The following TRAP1 variants were observed in gnomAD, a reference collection of about 807,000 sequenced individuals.
The protein encoded by TRAP1 is heat shock protein 75 kDa, mitochondrial.
In TRAP1, 102 loss-of-function variants were observed where a neutral mutation model predicts 89.1. The observed-to-expected ratio is 1.15, with a 90% CI of 0.98 to 1.35. The LOEUF is 1.35. Among genes scored for constraint, TRAP1 ranks in the 40% most tolerant of loss-of-function variants. The pLI is 0.00. For synonymous variants in TRAP1, 508 were observed against 388.0 expected, an observed-to-expected ratio of 1.31 and a Z score of -3.64; for missense variants, 1,256 against 945.3, an observed-to-expected ratio of 1.33 and a Z score of -4.31.
At chr16:3,672,878 G>A (rs1031606743) in intron 9 of TRAP1, 58 bp from the exon 10 acceptor site, 1 of 1,561,638 alleles carries the variant, frequency 6.4e-7, no homozygotes, top group Non-Finnish European at 8.7e-7. Flanking sequence ...GCAGGCCCTG[G>A]CTGGGAGGTG....
chr16:3,660,277 A>G (rs563892764), intron 16 of TRAP1: 1 of 152,264 alleles, frequency 6.6e-6, no homozygotes, highest in South Asian at 2.1e-4. Context: ...GTAGGAGGAA[A>G]TTTTCCCCTG....
chr16:3,677,835 A>C (rs1022080746), intron 5 of TRAP1, 177 bp from the exon 6 acceptor site: 1 of 692,846 alleles, frequency 1.4e-6, no homozygotes, highest in African/African-American at 1.8e-5. Flanking sequence ...GTGACACATT[A>C]GCCCTAGGAC....
intron 11 of TRAP1, among the ~76,000 whole-genome samples, chr16:3,669,359 C>T (rs1050258044): frequency 6.6e-6 from 1 of 152,186 alleles, no homozygotes; most frequent in Non-Finnish European, 1.5e-5. Flanking sequence ...GGCAGCAAGT[C>T]GGGGTCCTGC....
intron 1 of TRAP1, among the ~76,000 whole-genome samples, chr16:3,697,525 G>A (rs113843744): frequency 0.22 from 32,736 of 151,330 alleles, 4,077 homozygotes; most frequent in South Asian, 0.33. Context: ...TTAGCCAGGC[G>A]TAGTGGTGGG....
intron 4 of TRAP1, among the ~76,000 whole-genome samples, chr16:3,682,822 T>C (rs1308867733): frequency 6.6e-6 from 1 of 151,694 alleles, no homozygotes; most frequent in Admixed American, 6.6e-5. Context: ...ATAGCACCAA[T>C]GCACCCCAAC....
At chr16:3,699,854 T>TC (rs748663726) in intron 1 of TRAP1, among the ~76,000 whole-genome samples, 5 of 148,052 alleles carry the variant, frequency 3.4e-5, no homozygotes, top group Non-Finnish European at 5.9e-5. Flanking sequence ...TTTTTTTTTT[T>TC]CCTAGAGATA....
At chr16:3,673,256 G>C (rs541605767) in intron 9 of TRAP1, among the ~76,000 whole-genome samples, 93 of 152,330 alleles carry the variant, frequency 6.1e-4, no homozygotes, top group Non-Finnish European at 1.1e-3. Flanking sequence ...ACGTGAAGAT[G>C]AAACTCAAAT....
chr16:3,694,347 T>A (rs1482465807), intron 1 of TRAP1, among the ~76,000 whole-genome samples: 1 of 141,368 alleles, frequency 7.1e-6, no homozygotes, highest in African/African-American at 2.5e-5. Context: ...AACGTATCTT[T>A]CTCTTTTTTT....
intron 1 of TRAP1, among the ~76,000 whole-genome samples, chr16:3,714,322 T>A (rs2051569504): frequency 6.6e-6 from 1 of 152,156 alleles, no homozygotes; most frequent in Non-Finnish European, 1.5e-5. Flanking sequence ...AAATGACAAA[T>A]ATAAAGTCCA....
Position 3,674,465 on chromosome 16 carries a change from G to A in TRAP1, c.918C>T (p.Val306=), listed in dbSNP as rs779705174. 5.6e-6 allele frequency: 9 copies of A among 1,613,904 alleles called. No individual in the cohort carries two copies. Among genetic ancestry groups the A allele is most frequent in the African/African-American group, 4.0e-5 (3 of 74,932 alleles). ...QAIWMMDPKD[V]REWQHEEFYR... The stretch of plus-strand genomic sequence containing the variant: ...AGAACTCCTCATGTTGCCACTCACG[G>A]ACATCCTTGGGGTCCATCATCCAGA... Residue 306 remains valine, a synonymous_variant, in exon 9 of 18, where the codon GTC becomes GTT. Coordinates refer to ENST00000246957, the MANE Select transcript of TRAP1 (RefSeq NM_016292.3).
rs562544702 is a variant in TRAP1 at position 3,663,334 on chromosome 16, G to A, written c.1708+90C>T. The A allele has an allele frequency of 6.0e-5, 93 of 1,554,202 alleles. No homozygotes were observed. The South Asian group carries it at 7.7e-4, about 13-fold the overall frequency. The stretch of plus-strand genomic sequence containing the variant: ...GGTGGCTGAGCCCAGGTCAACTGAC[G>A]AAAACCCAAAGGAAGCCCTCGCTGC... On this transcript the variant is annotated intron_variant, in intron 14 of 17. Transcript: ENST00000246957.
In TRAP1 at chr16:3,717,415, C is replaced by T; in HGVS notation, c.88+6G>A. 7.7e-6 allele frequency: 9 copies of T among 1,173,682 alleles called. No homozygotes were observed. The highest frequency in any genetic ancestry group is 9.7e-6 in the Non-Finnish European group (9 of 930,802). 72.7% of individuals were successfully genotyped at this position (1,173,682 alleles called of 1,614,324 possible). On this transcript the variant is annotated splice_donor_region_variant and intron_variant, in intron 1 of 17. Transcript: ENST00000246957. Reference sequence around the variant, plus strand: ...CCCGCTGCCCGTCCAGCCAGGACGCCCTCACCTCCCGGCACGGCCGCCAGC... The same window carrying T: ...CCCGCTGCCCGTCCAGCCAGGACGCTCTCACCTCCCGGCACGGCCGCCAGC...
chr16:3,697,692 T>G (rs1341552187), intron 1 of TRAP1, among the ~76,000 whole-genome samples: 1 of 151,832 alleles, frequency 6.6e-6, no homozygotes, highest in Admixed American at 6.6e-5. Flanking sequence ...AAATTAGTCT[T>G]TTGGTTGTAA....
chr16:3,711,933 T>A (rs976704047), intron 1 of TRAP1, among the ~76,000 whole-genome samples: 1 of 152,164 alleles, frequency 6.6e-6, no homozygotes, highest in African/African-American at 2.4e-5. Flanking sequence ...TTCTCTGGCT[T>A]TGAACCCAAA....
chr16:3,714,425 C>T (rs145759395), intron 1 of TRAP1, among the ~76,000 whole-genome samples: 1,625 of 152,252 alleles, frequency 0.011, 29 homozygotes, highest in African/African-American at 0.037. Context: ...TTTTGGGAGG[C>T]CAAGGCTAGT....
In TRAP1 at chr16:3,672,828, TGAG is replaced by T. The variant is rs774407790; in HGVS notation, c.1045-11_1045-9del. ...ATCAAACATGGACGGTTTCTGGGGG[TGAG>T]GAGAACACGCCATCATGCAGCACTG... is the stretch of plus-strand genomic sequence containing the variant. On this transcript the variant is annotated splice_polypyrimidine_tract_variant and intron_variant, in intron 9 of 17. Coordinates refer to ENST00000246957, the MANE Select transcript of TRAP1 (RefSeq NM_016292.3). 3 of 1,610,636 alleles carry T rather than the reference TGAG, an allele frequency of 1.9e-6. No individual in the cohort carries two copies. Among genetic ancestry groups the T allele is most frequent in the Non-Finnish European group, 2.5e-6 (3 of 1,178,940 alleles).
rs1338382138 is a variant in TRAP1 at position 3,658,092 on chromosome 16, G to A, written c.*37C>T. 10 of 1,610,530 alleles carry A rather than the reference G, an allele frequency of 6.2e-6. No homozygotes were observed. In the East Asian group the frequency reaches 2.2e-4, roughly 36 times the overall value. On this transcript the variant is annotated 3_prime_UTR_variant, in exon 18 of 18. Coordinates refer to ENST00000246957, the MANE Select transcript of TRAP1 (RefSeq NM_016292.3). ...AAATAAAGCTCAAGGAGGTGGGGCT[G>A]TCATCTGTGGTGTCAGTCCTTCTGG...
At chr16:3,709,930 G>A (rs1259432079) in intron 1 of TRAP1, among the ~76,000 whole-genome samples, 5 of 152,308 alleles carry the variant, frequency 3.3e-5, no homozygotes, top group East Asian at 3.9e-4. Flanking sequence ...GATTACAGGC[G>A]TGAGCCACCG....
chr16:3,712,535 C>T (rs538914772), intron 1 of TRAP1, among the ~76,000 whole-genome samples: 47 of 152,176 alleles, frequency 3.1e-4, no homozygotes, highest in Non-Finnish European at 6.0e-4. Flanking sequence ...CTTGGAGATT[C>T]CTCTTTTGTC....
Sources: allele counts gnomAD v4.1 joint callset (sites outside exome capture counted in the v4.1 genomes callset), GRCh38; gene constraint gnomAD v4.1.1; transcripts MANE v1.5; gene names NCBI Gene and HGNC (gene_info 2026-07-23, HGNC 2026-07-21).